The following PLPPR1 variants were observed in gnomAD, a reference collection of about 807,000 sequenced individuals.
PLPPR1 encodes the protein phospholipid phosphatase related 1, also known as phospholipid phosphatase-related protein type 1.
In PLPPR1, 10 loss-of-function variants were observed where a neutral mutation model predicts 33.1. The observed-to-expected ratio is 0.30, with a 90% CI of 0.19 to 0.51. The LOEUF (loss-of-function observed/expected upper bound fraction) is 0.51, where lower values mean the gene tolerates loss of function less well. PLPPR1 is among the 20% of genes least tolerant of loss of function. The probability of loss-of-function intolerance (pLI) is 0.97; values close to 1 mark genes in which losing one functional copy is unlikely to be tolerated. For synonymous variants in PLPPR1, 151 were observed against 151.0 expected (o/e 1.00, Z 0.00); for missense variants, 304 against 408.1 (o/e 0.74, Z 2.20).
At chr9:101,245,098 A>C (rs1325577151) in intron 2 of PLPPR1, among the ~76,000 whole-genome samples, 2 of 152,042 alleles carry the variant, frequency 1.3e-5, no homozygotes, top group Non-Finnish European at 2.9e-5. Flanking sequence ...ACCACTTTAA[A>C]CACAATTTGG....
chr9:101,139,240 G>A (rs1025908229), intron 1 of PLPPR1, among the ~76,000 whole-genome samples: 2 of 152,192 alleles, frequency 1.3e-5, no homozygotes, highest in Non-Finnish European at 2.9e-5. Context: ...TGGAATGTTA[G>A]CCACTTTGGC....
At chr9:101,199,401 T>TGTAA in intron 2 of PLPPR1, among the ~76,000 whole-genome samples, 1 of 152,330 alleles carries the variant, frequency 6.6e-6, no homozygotes, top group Non-Finnish European at 1.5e-5. Context: ...AACCAGCATA[T>TGTAA]GTAAGTACAA....
At chr9:101,168,203 A>G (rs947934296) in intron 1 of PLPPR1, among the ~76,000 whole-genome samples, 3 of 152,114 alleles carry the variant, frequency 2.0e-5, no homozygotes, top group African/African-American at 4.8e-5. Flanking sequence ...GTGGCACCTA[A>G]TAAGTCTCCC....
chr9:101,289,596 C>G (rs1189445364), intron 4 of PLPPR1, among the ~76,000 whole-genome samples: 1 of 152,198 alleles, frequency 6.6e-6, no homozygotes, highest in African/African-American at 2.4e-5. Context: ...CCATACTGTT[C>G]TCATGGTAGT....
intron 5 of PLPPR1, among the ~76,000 whole-genome samples, chr9:101,310,723 A>G (rs930822909): frequency 6.6e-6 from 1 of 152,222 alleles, no homozygotes; most frequent in African/African-American, 2.4e-5. Context: ...TATGGGTCTG[A>G]TCTATTTATT....
chr9:101,109,817 T>C (rs1359012500), intron 1 of PLPPR1, among the ~76,000 whole-genome samples: 1 of 152,234 alleles, frequency 6.6e-6, no homozygotes, highest in African/African-American at 2.4e-5. Flanking sequence ...TTAATAAATT[T>C]TCCTCATAAT....
chr9:101,309,853 G>A (rs1828925326), intron 5 of PLPPR1, among the ~76,000 whole-genome samples: 1 of 152,078 alleles, frequency 6.6e-6, no homozygotes, highest in South Asian at 2.1e-4. Flanking sequence ...TTTCGGAACA[G>A]CACACCTTCT....
rs577413935 is a variant in PLPPR1, at chr9:101,261,584, A to G, written c.64-8296A>G. Among the ~76,000 whole-genome samples the G allele has an allele frequency of 8.5e-5, 13 of 152,282 alleles. No individual in the cohort carries two copies. The East Asian group carries it at 2.3e-3, about 27-fold the overall frequency. On this transcript the variant is annotated intron_variant, in intron 2 of 7. Coordinates refer to ENST00000374874, the MANE Select transcript of PLPPR1 (RefSeq NM_207299.2). The stretch of plus-strand genomic sequence containing the variant: ...TTTAATTAAAAGATATAGGTCTGTC[A>G]TGGAATCAACCTAAATGCTCAACAA...
At chr9:101,140,303 G>A (rs941479811) in intron 1 of PLPPR1, among the ~76,000 whole-genome samples, 3 of 152,282 alleles carry the variant, frequency 2.0e-5, no homozygotes, top group Non-Finnish European at 2.9e-5. Flanking sequence ...GCCAATTTGA[G>A]TTTTATTCAT....
chr9:101,285,109 T>C (rs1354591146), intron 3 of PLPPR1, among the ~76,000 whole-genome samples: 2 of 152,184 alleles, frequency 1.3e-5, no homozygotes, highest in Non-Finnish European at 2.9e-5. Flanking sequence ...AAGACTATGC[T>C]GAAGTGCCTA....
At chr9:101,160,884 T>C (rs1482575535) in intron 1 of PLPPR1, among the ~76,000 whole-genome samples, 1 of 152,110 alleles carries the variant, frequency 6.6e-6, no homozygotes, top group Non-Finnish European at 1.5e-5. Flanking sequence ...TTAAATCACT[T>C]TAGTGTGACA....
chr9:101,062,149 GGTGTGTGTGTGT>G (rs56998660), intron 1 of PLPPR1, among the ~76,000 whole-genome samples: 3,104 of 148,490 alleles, frequency 0.021, 43 homozygotes, highest in Non-Finnish European at 0.028. Flanking sequence ...GACAAAATGT[GGTGTGTGTGTGT>G]GTGTGTGTGT....
At chr9:101,098,346 C>A (rs942262064) in intron 1 of PLPPR1, among the ~76,000 whole-genome samples, 7 of 150,864 alleles carry the variant, frequency 4.6e-5, no homozygotes, top group Admixed American at 2.6e-4. Context: ...AGGCAGGATG[C>A]ACAGGGAGGG....
At chr9:101,222,225 C>A (rs1304998293) in intron 2 of PLPPR1, among the ~76,000 whole-genome samples, 2 of 152,164 alleles carry the variant, frequency 1.3e-5, no homozygotes. Context: ...CTCAGCTCTC[C>A]CCTCAGGTTG....
At position 101,127,299 on chromosome 9, in the gene PLPPR1, C is replaced by T. The variant is rs140618711; in HGVS notation, c.-45-58151C>T. ...AATGTTTGTGTGATCAGACCCAACA[C>T]CAGGTCATGGGGGCAACGAAGTCCG... On this transcript the variant is annotated intron_variant, in intron 1 of 7. Transcript: ENST00000374874. Among the ~76,000 whole-genome samples, 1,370 of 152,268 alleles carry T rather than the reference C, an allele frequency of 9.0e-3. 20 individuals carry two copies. Among genetic ancestry groups the T allele is most frequent in the African/African-American group, 0.026 (1,087 of 41,532 alleles).
intron 1 of PLPPR1, among the ~76,000 whole-genome samples, chr9:101,074,985 A>C (rs926623286): frequency 6.6e-6 from 1 of 152,204 alleles, no homozygotes; most frequent in Non-Finnish European, 1.5e-5. Flanking sequence ...AATTTGAACC[A>C]AACATTAAGC....
intron 2 of PLPPR1, among the ~76,000 whole-genome samples, chr9:101,198,890 G>A (rs987438545): frequency 3.3e-5 from 5 of 152,226 alleles, no homozygotes; most frequent in Non-Finnish European, 7.3e-5. Flanking sequence ...AAGGTAGGCA[G>A]AGGCCAAATC....
At chr9:101,277,397 T>C (rs996132304) in intron 3 of PLPPR1, among the ~76,000 whole-genome samples, 3 of 152,172 alleles carry the variant, frequency 2.0e-5, no homozygotes, top group Non-Finnish European at 4.4e-5. Flanking sequence ...TGGGGTAGGC[T>C]GTGTCTACTT....
chr9:101,060,631 A>T (rs540520505), intron 1 of PLPPR1, among the ~76,000 whole-genome samples: 1 of 151,874 alleles, frequency 6.6e-6, no homozygotes, highest in Non-Finnish European at 1.5e-5. Flanking sequence ...AAAAATATAT[A>T]CAATAATTTA....
Sources: gnomAD v4.1 joint callset for allele counts (sites outside exome capture counted in the v4.1 genomes callset) on GRCh38, gnomAD v4.1.1 for gene constraint, MANE v1.5 for transcripts, NCBI Gene and HGNC (gene_info 2026-07-23, HGNC 2026-07-21) for gene names.